ANP32E: variants seen among roughly 807,000 people sequenced by gnomAD.
ANP32E encodes acidic nuclear phosphoprotein 32 family member E.
A neutral mutation model predicts 35.3 loss-of-function variants in ANP32E; 14 were observed. That is an observed-to-expected ratio of 0.40 (90% CI 0.26 to 0.62). ANP32E has a LOEUF of 0.62. Ranked by LOEUF, ANP32E falls within the 20% of genes least tolerant of loss-of-function variation. The pLI is 0.45. For synonymous variants in ANP32E, 89 were observed against 110.4 expected, an observed-to-expected ratio of 0.81 and a Z score of 1.22; for missense variants, 198 against 304.4, an observed-to-expected ratio of 0.65 and a Z score of 2.60.
intron 6 of ANP32E, among the ~76,000 whole-genome samples, chr1:150,221,115 CAAAAAAAAAAA>C (rs34843209): frequency 1.5e-5 from 1 of 68,916 alleles, no homozygotes; most frequent in Non-Finnish European, 2.5e-5. Flanking sequence ...ACTTTGTCTC[CAAAAAAAAAAA>C]AAAAAAAACG....
Position 150,235,924 on chromosome 1 carries a change from T to C in ANP32E, c.-138A>G, listed in dbSNP as rs587612276. The C allele has an allele frequency of 9.2e-6, 6 of 649,980 alleles. No individual in the cohort carries two copies. The Admixed American group carries it at 1.5e-4, about 16-fold the overall frequency. The allele number at this position is 649,980 out of a possible 1,614,324, so 40.3% of individuals were successfully genotyped here. On this transcript the variant is annotated 5_prime_UTR_variant, in exon 1 of 7. Transcript: ENST00000583931. This position sits in a 1 kb window ranked among gnomAD's most constrained non-coding sequence, Gnocchi z 4.2. ...ATAAACGCCCACTACCACCACCAGA[T>C]AGGTGTGGGGGAGAAAGAAGAGAAT...
rs1560008228 is a variant in ANP32E at position 150,235,175 on chromosome 1, C to T, written c.54+558G>A. On this transcript the variant is annotated intron_variant, in intron 1 of 6. Coordinates refer to ENST00000583931, the MANE Select transcript of ANP32E (RefSeq NM_030920.5). The surrounding 1 kb of genome is among the most constrained non-coding windows in gnomAD (Gnocchi z 4.2). The stretch of plus-strand genomic sequence containing the variant: ...GCAGAGGGCGGCGCGCGCGGCTTCC[C>T]GGAGGAGTGGGCGCCGCCGGAGCAG... Among the ~76,000 whole-genome samples, 1 of 152,192 alleles carries T rather than the reference C, an allele frequency of 6.6e-6. No individual in the cohort carries two copies. The highest frequency in any genetic ancestry group is 1.5e-5 in the Non-Finnish European group (1 of 68,016).
intron 1 of ANP32E, among the ~76,000 whole-genome samples, chr1:150,232,363 A>T: frequency 7.9e-6 from 1 of 126,980 alleles, no homozygotes; most frequent in Non-Finnish European, 1.7e-5. Context: ...AAAAAATAAC[A>T]ACACAACAGA....
intron 6 of ANP32E, among the ~76,000 whole-genome samples, chr1:150,222,887 G>A (rs587689052): frequency 3.9e-5 from 6 of 152,028 alleles, no homozygotes; most frequent in Admixed American, 3.3e-4. Context: ...TGTCCAAAAT[G>A]AGACTCTATA....
chr1:150,232,796 T>C (rs1418263669), intron 1 of ANP32E, among the ~76,000 whole-genome samples: 1 of 152,136 alleles, frequency 6.6e-6, no homozygotes, highest in African/African-American at 2.4e-5. Flanking sequence ...AAACTTGGAC[T>C]AAAGTTCAAT....
At position 150,220,557 on chromosome 1, in the gene ANP32E, T is replaced by C. The variant is rs1553837341; in HGVS notation, c.*134A>G. 3.6e-6 allele frequency: 3 copies of C among 841,586 alleles called. No homozygotes were observed. The highest frequency in any genetic ancestry group is 2.6e-5 in the East Asian group (1 of 38,706). The allele number at this position is 841,586 out of a possible 1,614,324, so 52.1% of individuals were successfully genotyped here. On this transcript the variant is annotated 3_prime_UTR_variant, in exon 7 of 7. Transcript: ENST00000583931. The stretch of plus-strand genomic sequence containing the variant: ...CTTATTTGGAATGATAAGGCAAAAA[T>C]AGTAAAACCACACTTTTCCTATAAA...
Position 150,223,177 on chromosome 1 carries a change from G to A in ANP32E, c.736+9C>T. 3 of 1,504,624 alleles carry A rather than the reference G, an allele frequency of 2.0e-6. No individual in the cohort carries two copies. The highest frequency in any genetic ancestry group is 2.7e-6 in the Non-Finnish European group (3 of 1,104,974). 93.2% of individuals were successfully genotyped at this position (1,504,624 alleles called of 1,614,324 possible). A position where few individuals can be genotyped will look rare whatever the true frequency, so the allele number is the denominator to read the frequency against. On this transcript the variant is annotated intron_variant, in intron 6 of 6. Transcript: ENST00000583931. The stretch of plus-strand genomic sequence containing the variant: ...ATTTTATAATTTGTTTATGGCTAAT[G>A]TAACTCACCCTCTTCTTCCTCTTCT...
chr1:150,219,510 G>A lies in ANP32E; in HGVS notation c.*1181C>T, dbSNP rs1001855552. 3 of 152,176 alleles carry A rather than the reference G, an allele frequency of 2.0e-5. No individual in the cohort carries two copies. The highest frequency in any genetic ancestry group is 7.2e-5 in the African/African-American group (3 of 41,444). 9.4% of individuals were successfully genotyped at this position (152,176 alleles called of 1,614,324 possible). A position where few individuals can be genotyped will look rare whatever the true frequency, so the allele number is the denominator to read the frequency against. On this transcript the variant is annotated 3_prime_UTR_variant, in exon 7 of 7. Transcript: ENST00000583931. Reference sequence around the variant, plus strand: ...TTTTAAAACTGGGAATTAAAGGTTAGAAATACTTTGCAGAGTGGTATCCAA... The same window carrying A: ...TTTTAAAACTGGGAATTAAAGGTTAAAAATACTTTGCAGAGTGGTATCCAA...
chr1:150,230,934 G>T (rs1649303767), intron 2 of ANP32E, among the ~76,000 whole-genome samples: 1 of 151,902 alleles, frequency 6.6e-6, no homozygotes, highest in Admixed American at 6.6e-5. Context: ...GTACAGATGG[G>T]GTTTCACCAT....
chr1:150,221,900 C>T (rs1475260912), intron 6 of ANP32E, among the ~76,000 whole-genome samples: 5 of 151,856 alleles, frequency 3.3e-5, no homozygotes, highest in African/African-American at 7.3e-5. Context: ...AAGACCAGCC[C>T]GGGCAACAGT....
chr1:150,221,032 A>G (rs183752350), intron 6 of ANP32E, among the ~76,000 whole-genome samples: 2 of 148,862 alleles, frequency 1.3e-5, no homozygotes, highest in Non-Finnish European at 3.0e-5. Context: ...GAAGAATTCC[A>G]TGAACCTGGA....
At chr1:150,230,532 C>A in intron 3 of ANP32E, 39 bp downstream of exon 3, 2 of 1,512,140 alleles carry the variant, frequency 1.3e-6, no homozygotes, top group African/African-American at 1.4e-5. Context: ...AAAATTTAAC[C>A]AAAAAAAGCA....
At chr1:150,230,541 C>T (rs1254670123) in intron 3 of ANP32E, 30 bp downstream of exon 3, 9 of 1,528,610 alleles carry the variant, frequency 5.9e-6, no homozygotes, top group Non-Finnish European at 7.9e-6. Flanking sequence ...CCAAAAAAAG[C>T]AAGTCCAGAG....
rs587695652 is a variant in ANP32E at position 150,219,071 on chromosome 1, T to C, written c.*1620A>G. On this transcript the variant is annotated 3_prime_UTR_variant, in exon 7 of 7. Coordinates refer to ENST00000583931, the MANE Select transcript of ANP32E (RefSeq NM_030920.5). ...TCTCCACAAGTAACATCATAATTTT[T>C]ACTTTAAAACACCAAGTCATACATT... 1 of 152,320 alleles carries C rather than the reference T, an allele frequency of 6.6e-6. No individual in the cohort carries two copies. Among genetic ancestry groups the C allele is most frequent in the Non-Finnish European group, 1.5e-5 (1 of 68,018 alleles). The allele number at this position is 152,320 out of a possible 1,614,324, so 9.4% of individuals were successfully genotyped here. A position where few individuals can be genotyped will look rare whatever the true frequency, so the allele number is the denominator to read the frequency against.
chr1:150,233,250 TAGAG>T (rs1398209091), intron 1 of ANP32E, among the ~76,000 whole-genome samples: 2 of 108,472 alleles, frequency 1.8e-5, no homozygotes, highest in Non-Finnish European at 3.4e-5. Flanking sequence ...GGGCAACAGA[TAGAG>T]ACTCTATCTC....
At chr1:150,228,931 G>T in intron 4 of ANP32E, 141 bp downstream of exon 4, 1 of 673,554 alleles carries the variant, frequency 1.5e-6, no homozygotes, top group Non-Finnish European at 2.5e-6. Context: ...TAGAGCTATG[G>T]GTTTTTAATT....
rs1553842883 is a variant in ANP32E at position 150,235,009 on chromosome 1, C to T, written c.54+724G>A. 6.6e-6 allele frequency among the ~76,000 whole-genome samples: 1 copy of T among 152,244 alleles called. No individual in the cohort carries two copies. The highest frequency in any genetic ancestry group is 1.9e-4 in the East Asian group (1 of 5,200). ...CAAATTCAGAGTTGCGGCCACACGA[C>T]GTGCCACATATCGTTACACGGCGGG... On this transcript the variant is annotated intron_variant, in intron 1 of 6. Coordinates refer to ENST00000583931, the MANE Select transcript of ANP32E (RefSeq NM_030920.5). This position sits in a 1 kb window ranked among gnomAD's most constrained non-coding sequence, Gnocchi z 4.2.
Position 150,218,668 on chromosome 1 carries a change from A to G in ANP32E, c.*2023T>C, listed in dbSNP as rs1249385076. ...ACACAATATATACATACTGCCATAC[A>G]AAGAGCATTAAAATAGGACCGAAAA... On this transcript the variant is annotated 3_prime_UTR_variant, in exon 7 of 7. Coordinates refer to ENST00000583931, the MANE Select transcript of ANP32E (RefSeq NM_030920.5). The G allele has an allele frequency of 6.6e-6, 1 of 152,632 alleles. No individual in the cohort carries two copies. Among genetic ancestry groups the G allele is most frequent in the Non-Finnish European group, 1.5e-5 (1 of 68,036 alleles). The allele number at this position is 152,632 out of a possible 1,614,324, so 9.5% of individuals were successfully genotyped here.
In ANP32E at chr1:150,236,087, T is replaced by C; in HGVS notation, c.-301A>G. 1 of 307,188 alleles carries C rather than the reference T, an allele frequency of 3.3e-6. No individual in the cohort carries two copies. Among genetic ancestry groups the C allele is most frequent in the Non-Finnish European group, 6.1e-6 (1 of 162,784 alleles). The allele number at this position is 307,188 out of a possible 1,614,324, so 19.0% of individuals were successfully genotyped here. On this transcript the variant is annotated 5_prime_UTR_variant, in exon 1 of 7. Transcript: ENST00000583931. ...ATACACACACACACCCGCAGTTCCTTCCCCTTCAATGGCTGCTCAGAGACT... is the reference window on the plus strand; with the variant it reads ...ATACACACACACACCCGCAGTTCCTCCCCCTTCAATGGCTGCTCAGAGACT...
Sources: allele counts gnomAD v4.1 joint callset (sites outside exome capture counted in the v4.1 genomes callset), GRCh38; gene constraint gnomAD v4.1.1; non-coding constraint Gnocchi (gnomAD v3.1); transcripts MANE v1.5; gene names NCBI Gene and HGNC (gene_info 2026-07-23, HGNC 2026-07-21).